SYT1: variants seen among roughly 807,000 people sequenced by gnomAD.
SYT1 encodes the protein synaptotagmin 1, also known as synaptotagmin-1.
Under a neutral mutation model 44.8 loss-of-function variants are expected in SYT1, and 8 were observed. The ratio of observed to expected loss-of-function variants is 0.18; its 90% CI spans 0.10 to 0.32. The LOEUF is 0.32. SYT1 is among the 10% of genes least tolerant of loss of function. The probability of loss-of-function intolerance (pLI) is 1.00; values close to 1 mark genes in which losing one functional copy is unlikely to be tolerated. For missense variants in SYT1, 286 were observed against 509.3 expected, an observed-to-expected ratio of 0.56 and a Z score of 4.22; for synonymous variants, 154 against 188.8, an observed-to-expected ratio of 0.82 and a Z score of 1.51.
At chr12:79,313,603 C>CAAAAAAAAAA (rs58288822) in intron 8 of SYT1, among the ~76,000 whole-genome samples, 1 of 101,196 alleles carries the variant, frequency 9.9e-6, no homozygotes, top group Non-Finnish European at 2.1e-5. Flanking sequence ...TTTTAAAAAG[C>CAAAAAAAAAA]AAAAAAAAAA....
intron 1 of SYT1, among the ~76,000 whole-genome samples, chr12:78,937,438 C>A (rs1449593754): frequency 2.0e-5 from 3 of 152,024 alleles, no homozygotes; most frequent in Non-Finnish European, 4.4e-5. Flanking sequence ...TATCTTAAAT[C>A]AGTGAGATTG....
At chr12:79,324,677 G>A (rs1881528482) in intron 8 of SYT1, among the ~76,000 whole-genome samples, 1 of 152,136 alleles carries the variant, frequency 6.6e-6, no homozygotes, top group African/African-American at 2.4e-5. Flanking sequence ...TGCATCTGTG[G>A]GGTTTGAGAT....
chr12:79,136,987 T>C (rs1436130235), intron 3 of SYT1, among the ~76,000 whole-genome samples: 1 of 152,222 alleles, frequency 6.6e-6, no homozygotes, highest in Admixed American at 6.5e-5. Flanking sequence ...CAGATATTTG[T>C]TCCAAAATAC....
chr12:79,068,760 T>C (rs959452438), intron 3 of SYT1, among the ~76,000 whole-genome samples: 1 of 152,148 alleles, frequency 6.6e-6, no homozygotes, highest in Non-Finnish European at 1.5e-5. Flanking sequence ...ATGCCTGTAA[T>C]CCCAGCACTT....
At chr12:78,988,931 T>C (rs1433184799) in intron 2 of SYT1, among the ~76,000 whole-genome samples, 2 of 152,116 alleles carry the variant, frequency 1.3e-5, no homozygotes, top group Admixed American at 1.3e-4. Context: ...CTACCAGAGT[T>C]GGTAATTTTG....
At chr12:78,985,340 C>T (rs1005480285) in intron 2 of SYT1, among the ~76,000 whole-genome samples, 5 of 151,598 alleles carry the variant, frequency 3.3e-5, no homozygotes, top group South Asian at 2.1e-4. Context: ...AGTTATTATA[C>T]GATTTTGTTA....
At chr12:79,064,863 C>G (rs1002812693) in intron 3 of SYT1, among the ~76,000 whole-genome samples, 69 of 150,998 alleles carry the variant, frequency 4.6e-4, no homozygotes, top group African/African-American at 1.6e-3. Context: ...TGCTCCAGTA[C>G]TCTGTAGCAT....
At chr12:79,303,599 G>T (rs1045580197) in intron 8 of SYT1, among the ~76,000 whole-genome samples, 4 of 152,048 alleles carry the variant, frequency 2.6e-5, no homozygotes, top group Admixed American at 2.0e-4. Context: ...ATTAAAACAA[G>T]TTGGAACATA....
chr12:79,282,452 A>G (rs1016135806), intron 4 of SYT1, among the ~76,000 whole-genome samples: 1 of 152,166 alleles, frequency 6.6e-6, no homozygotes, highest in African/African-American at 2.4e-5. Flanking sequence ...TTTTCTGCTG[A>G]AAGGCCTTTA....
intron 8 of SYT1, among the ~76,000 whole-genome samples, chr12:79,329,973 T>A (rs887679730): frequency 5.9e-5 from 9 of 152,204 alleles, no homozygotes; most frequent in African/African-American, 2.2e-4. Context: ...TCCACCTATT[T>A]TATCGTATTT....
At chr12:79,210,185 T>G (rs1206272824) in intron 3 of SYT1, among the ~76,000 whole-genome samples, 1 of 152,188 alleles carries the variant, frequency 6.6e-6, no homozygotes. Context: ...GAAGTTGTCA[T>G]AGCAATCAAA....
chr12:79,074,322 G>A (rs1037366417), intron 3 of SYT1, among the ~76,000 whole-genome samples: 1 of 152,110 alleles, frequency 6.6e-6, no homozygotes, highest in Admixed American at 6.6e-5. Context: ...CCCAACATGT[G>A]TATTCAGTAC....
intron 9 of SYT1, among the ~76,000 whole-genome samples, chr12:79,406,763 T>G (rs1385156440): frequency 3.9e-5 from 6 of 152,152 alleles, no homozygotes; most frequent in Admixed American, 1.3e-4. Flanking sequence ...TTCAATAAAA[T>G]ATTGATCACA....
At chr12:79,095,640 C>T (rs944481876) in intron 3 of SYT1, among the ~76,000 whole-genome samples, 2 of 151,824 alleles carry the variant, frequency 1.3e-5, no homozygotes, top group Admixed American at 6.6e-5. Flanking sequence ...CAACTGGGCT[C>T]TAAAGGCAGA....
At chr12:79,442,114 C>T (rs1254210496) in intron 9 of SYT1, among the ~76,000 whole-genome samples, 2 of 152,172 alleles carry the variant, frequency 1.3e-5, no homozygotes, top group Non-Finnish European at 2.9e-5. Flanking sequence ...CTTGAGAAAA[C>T]CTATGCCTCA....
chr12:79,366,908 G>C (rs1459185409), intron 9 of SYT1, among the ~76,000 whole-genome samples: 5 of 146,672 alleles, frequency 3.4e-5, no homozygotes, highest in African/African-American at 1.3e-4. Context: ...GTGTGTGTGT[G>C]TGTGTGTGTG....
chr12:78,947,368 A>G (rs1320435785), intron 1 of SYT1, among the ~76,000 whole-genome samples: 3 of 152,028 alleles, frequency 2.0e-5, no homozygotes, highest in Non-Finnish European at 4.4e-5. Flanking sequence ...TTATGTGCGC[A>G]TCGTGACCTA....
intron 1 of SYT1, among the ~76,000 whole-genome samples, chr12:78,894,845 A>G (rs1054099049): frequency 1.3e-5 from 2 of 150,730 alleles, no homozygotes; most frequent in African/African-American, 2.4e-5. Flanking sequence ...GACCTATTGT[A>G]CATCATGATG....
chr12:78,982,769 A>G (rs2137446321), intron 2 of SYT1, among the ~76,000 whole-genome samples: 1 of 152,324 alleles, frequency 6.6e-6, no homozygotes, highest in Admixed American at 6.5e-5. Context: ...ATACTCACAT[A>G]TAAACTTGCT....
Sources: gnomAD v4.1 joint callset for allele counts (sites outside exome capture counted in the v4.1 genomes callset) on GRCh38, gnomAD v4.1.1 for gene constraint, MANE v1.5 for transcripts, NCBI Gene and HGNC (gene_info 2026-07-23, HGNC 2026-07-21) for gene names.